Variants in ADGRB3 observed in about 807,000 individuals in gnomAD.
The protein encoded by ADGRB3 is brain-specific angiogenesis inhibitor 3.
A neutral mutation model predicts 193.4 loss-of-function variants in ADGRB3; 37 were observed. That is an observed-to-expected ratio of 0.19 (90% confidence interval 0.15 to 0.25). The LOEUF (loss-of-function observed/expected upper bound fraction) is 0.25. Ranked by LOEUF, ADGRB3 falls within the 10% of genes least tolerant of loss-of-function variation. ADGRB3 has a pLI of 1.00. For missense variants in ADGRB3, 1,637 were observed against 1,852.9 expected (o/e 0.88, Z 2.14); for synonymous variants, 690 against 644.2 (o/e 1.07, Z -1.08).
In ADGRB3 at chr6:69,063,237, AATGAGT is replaced by A. The variant is rs1771802523; in HGVS notation, c.2436+204_2436+209del. On this transcript the variant is annotated intron_variant, in intron 16 of 31. Transcript: ENST00000370598. ...GATAAAATTCTCTTCAATTTATCCAAATGAGTATATGTATTATAAAGAAACAAAGAA... is the reference window on the plus strand; with the variant it reads ...GATAAAATTCTCTTCAATTTATCCAAATATGTATTATAAAGAAACAAAGAA... Among the ~76,000 whole-genome samples the A allele has an allele frequency of 2.0e-5, 3 of 152,130 alleles. No homozygotes were observed. In the South Asian group the frequency reaches 6.2e-4, roughly 32 times the overall value.
chr6:68,883,660 C>G (rs780608899), intron 3 of ADGRB3, among the ~76,000 whole-genome samples: 5 of 152,176 alleles, frequency 3.3e-5, no homozygotes, highest in African/African-American at 4.8e-5. Context: ...CCGCAAAGGT[C>G]TGCACCTTCA....
chr6:69,108,392 T>G (rs1054786976), intron 17 of ADGRB3, among the ~76,000 whole-genome samples: 1 of 144,482 alleles, frequency 6.9e-6, no homozygotes, highest in Admixed American at 6.9e-5. Flanking sequence ...TTCTTGTTTT[T>G]TTTTTTTTTC....
intron 20 of ADGRB3, among the ~76,000 whole-genome samples, chr6:69,294,670 G>A (rs1767769819): frequency 6.6e-6 from 1 of 152,118 alleles, no homozygotes; most frequent in Non-Finnish European, 1.5e-5. Context: ...TAAAATCCGT[G>A]CAGTGGGGCT....
At chr6:69,245,250 C>A (rs1488313061) in intron 20 of ADGRB3, among the ~76,000 whole-genome samples, 1 of 152,078 alleles carries the variant, frequency 6.6e-6, no homozygotes, top group Non-Finnish European at 1.5e-5. Context: ...ATTCTCTATT[C>A]TGTAGCCCAC....
chr6:68,846,710 A>G lies in ADGRB3; in HGVS notation c.758-83849A>G, dbSNP rs557567522. On this transcript the variant is annotated intron_variant, in intron 3 of 31. Coordinates refer to ENST00000370598, the MANE Select transcript of ADGRB3 (RefSeq NM_001704.3). The stretch of plus-strand genomic sequence containing the variant: ...CCTAGATTTCAGAAGATGTTTGGAA[A>G]TGCCTGGATGCCCAGGCAAAAATTG... Among the ~76,000 whole-genome samples the G allele has an allele frequency of 3.7e-4, 56 of 152,358 alleles. 2 individuals carry two copies. The South Asian group carries it at 0.01, about 28-fold the overall frequency.
At chr6:68,778,960 G>T (rs1168743484) in intron 3 of ADGRB3, among the ~76,000 whole-genome samples, 1 of 151,996 alleles carries the variant, frequency 6.6e-6, no homozygotes, top group Non-Finnish European at 1.5e-5. Context: ...ATAAGCCAAT[G>T]GTAATGCAGC....
At chr6:69,206,045 G>GTGTATATATATATATA (rs1327162820) in intron 17 of ADGRB3, among the ~76,000 whole-genome samples, 1 of 99,928 alleles carries the variant, frequency 1.0e-5, no homozygotes, top group African/African-American at 3.8e-5. Flanking sequence ...TATAATAATG[G>GTGTATATATATATATA]TATATATATA....
chr6:69,082,803 C>T (rs140343943), intron 17 of ADGRB3, among the ~76,000 whole-genome samples: 65 of 152,212 alleles, frequency 4.3e-4, no homozygotes, highest in African/African-American at 1.4e-3. Context: ...ACTCATTGTA[C>T]TTTATCTCTT....
intron 17 of ADGRB3, among the ~76,000 whole-genome samples, chr6:69,128,534 T>C (rs1380331200): frequency 6.6e-6 from 1 of 152,072 alleles, no homozygotes; most frequent in African/African-American, 2.4e-5. Context: ...TGCCATCTGA[T>C]AAATCATACA....
chr6:69,034,773 A>G (rs1197828131), intron 13 of ADGRB3, among the ~76,000 whole-genome samples: 6 of 151,776 alleles, frequency 4.0e-5, no homozygotes, highest in Non-Finnish European at 8.8e-5. Context: ...CAAAACCATC[A>G]CTCATTTAGT....
At chr6:69,385,214 T>C (rs1229717807) in intron 31 of ADGRB3, among the ~76,000 whole-genome samples, 1 of 152,038 alleles carries the variant, frequency 6.6e-6, no homozygotes, top group East Asian at 1.9e-4. Context: ...CCCAAGTAGC[T>C]TTTGCAAATT....
rs1491381704 is a variant in ADGRB3 at position 69,043,321 on chromosome 6, A to AAAGGAAGG, written c.2108-4861_2108-4860insGAAGGAAG. Reference sequence around the variant, plus strand: ...GAAAGAAAGAAAGAAAGAAAGAAAGAAAGAAAGAAAGAGAAAGAAAAGAAG... The same window carrying AAAGGAAGG: ...GAAAGAAAGAAAGAAAGAAAGAAAGAAAGGAAGGAAGAAAGAAAGAGAAAGAAAAGAAG... On this transcript the variant is annotated intron_variant, in intron 13 of 31. Coordinates refer to ENST00000370598, the MANE Select transcript of ADGRB3 (RefSeq NM_001704.3). Among the ~76,000 whole-genome samples the AAAGGAAGG allele has an allele frequency of 1.1e-3, 59 of 52,006 alleles. 3 individuals are homozygous for AAAGGAAGG. The highest frequency in any genetic ancestry group is 2.9e-3 in the African/African-American group (36 of 12,376). 34.1% of individuals were successfully genotyped at this position (52,006 alleles called of 152,430 possible). A position where few individuals can be genotyped will look rare whatever the true frequency, so the allele number is the denominator to read the frequency against.
chr6:69,187,169 A>G lies in ADGRB3; in HGVS notation c.2481-46121A>G, dbSNP rs80055445. On this transcript the variant is annotated intron_variant, in intron 17 of 31. Transcript: ENST00000370598. The stretch of plus-strand genomic sequence containing the variant: ...TTACAATATGTGTATGTTTGTGTCC[A>G]TGGGAGAGAATGAAAGAGTAAGACC... 4.0e-3 allele frequency among the ~76,000 whole-genome samples: 613 copies of G among 152,198 alleles called. 15 individuals are homozygous for G. In the East Asian group the frequency reaches 0.056, roughly 14 times the overall value.
chr6:68,899,194 T>C (rs553926117), intron 3 of ADGRB3, among the ~76,000 whole-genome samples: 1 of 152,272 alleles, frequency 6.6e-6, no homozygotes. Context: ...TTTCAAAAAA[T>C]TTAAAAAATT....
intron 13 of ADGRB3, among the ~76,000 whole-genome samples, chr6:69,031,048 T>TTC (rs1562128880): frequency 0.013 from 169 of 12,830 alleles, 23 homozygotes; most frequent in South Asian, 0.032. Context: ...TCTCTTCTCT[T>TTC]CTCTTCTCTT....
chr6:68,755,065 A>G (rs1766273805), intron 3 of ADGRB3, among the ~76,000 whole-genome samples: 1 of 152,198 alleles, frequency 6.6e-6, no homozygotes, highest in Admixed American at 6.5e-5. Context: ...AAATCTATAA[A>G]CACAACTTAA....
At chr6:68,886,473 T>C (rs976440165) in intron 3 of ADGRB3, among the ~76,000 whole-genome samples, 6 of 152,108 alleles carry the variant, frequency 3.9e-5, no homozygotes, top group Admixed American at 1.3e-4. Context: ...GTCTCACATA[T>C]ACTTCTTCTT....
rs371829179 is a variant in ADGRB3, at chr6:69,088,529, C to T, written c.2480+12491C>T. On this transcript the variant is annotated intron_variant, in intron 17 of 31. Coordinates refer to ENST00000370598, the MANE Select transcript of ADGRB3 (RefSeq NM_001704.3). ...CTGGGACTACAGGCAGGTGCCACCA[C>T]GCCTGGCTAATTTTTTGTATTATTA... Among the ~76,000 whole-genome samples, 33 of 152,118 alleles carry T rather than the reference C, an allele frequency of 2.2e-4. No individual in the cohort carries two copies. In the East Asian group the frequency reaches 5.1e-3, roughly 23 times the overall value.
intron 3 of ADGRB3, among the ~76,000 whole-genome samples, chr6:68,746,503 A>G (rs770364729): frequency 3.5e-4 from 54 of 152,252 alleles, no homozygotes; most frequent in Non-Finnish European, 5.9e-4. Context: ...ACTACATCAT[A>G]ATTAGAATCC....
Sources: allele counts gnomAD v4.1 joint callset (sites outside exome capture counted in the v4.1 genomes callset), GRCh38; gene constraint gnomAD v4.1.1; transcripts MANE v1.5; gene names NCBI Gene and HGNC (gene_info 2026-07-23, HGNC 2026-07-21).